The following ULK4 variants were observed in gnomAD, a reference collection of about 807,000 sequenced individuals.
ULK4 encodes inactive serine/threonine-protein kinase ULK4.
A neutral mutation model predicts 160.6 loss-of-function variants in ULK4; 133 were observed. The observed-to-expected ratio is 0.83, with a 90% confidence interval of 0.72 to 0.96. ULK4 has a LOEUF of 0.96. Ranked by LOEUF, ULK4 falls within the 40% of genes least tolerant of loss-of-function variation. The pLI, the probability that ULK4 is intolerant of heterozygous loss-of-function variation, is 0.00. For missense variants in ULK4, 1,580 were observed against 1,499.5 expected, an observed-to-expected ratio of 1.05 and a Z score of -0.89; for synonymous variants, 534 against 539.8, an observed-to-expected ratio of 0.99 and a Z score of 0.15.
intron 19 of ULK4, among the ~76,000 whole-genome samples, chr3:41,809,553 A>G (rs1361786363): frequency 6.6e-6 from 1 of 152,188 alleles, no homozygotes; most frequent in Non-Finnish European, 1.5e-5. Flanking sequence ...TTGATTTTAA[A>G]AGTAAATATA....
chr3:41,851,509 G>A (rs1489471064), intron 17 of ULK4, among the ~76,000 whole-genome samples: 2 of 151,852 alleles, frequency 1.3e-5, no homozygotes, highest in Non-Finnish European at 2.9e-5. Context: ...TTGCATCGAT[G>A]TTCATCAGGG....
At chr3:41,770,769 T>C (rs1020213689) in intron 21 of ULK4, among the ~76,000 whole-genome samples, 9 of 152,116 alleles carry the variant, frequency 5.9e-5, no homozygotes, top group Admixed American at 4.6e-4. Flanking sequence ...CACCTCAGCC[T>C]CCCAAAGTGC....
intron 19 of ULK4, among the ~76,000 whole-genome samples, chr3:41,813,955 T>C (rs965407152): frequency 6.6e-6 from 1 of 152,230 alleles, no homozygotes; most frequent in African/African-American, 2.4e-5. Context: ...CAGTGTGTCT[T>C]GGAGTGAACT....
chr3:41,869,187 A>G (rs770683862), intron 17 of ULK4: 2 of 152,108 alleles, frequency 1.3e-5, no homozygotes, highest in Non-Finnish European at 2.9e-5. Context: ...TCCAATTATA[A>G]TAGCATGCAT....
intron 11 of ULK4, among the ~76,000 whole-genome samples, chr3:41,909,694 G>A (rs12330363): frequency 0.69 from 104,544 of 151,790 alleles, 39,383 homozygotes; most frequent in East Asian, 0.83. Context: ...CAGCCTGGGC[G>A]ACAGAGCAAG....
chr3:41,748,896 T>A (rs954963466), intron 22 of ULK4, among the ~76,000 whole-genome samples: 8 of 152,164 alleles, frequency 5.3e-5, no homozygotes, highest in African/African-American at 1.9e-4. Flanking sequence ...CTTGTGCCTT[T>A]CCACAACTGC....
At chr3:41,451,880 T>C (rs1392763244) in intron 34 of ULK4, among the ~76,000 whole-genome samples, 2 of 152,134 alleles carry the variant, frequency 1.3e-5, no homozygotes, top group East Asian at 3.9e-4. Flanking sequence ...TCAGCCTAAA[T>C]TTAGAGCCCA....
At chr3:41,333,131 T>C (rs1475544778) in intron 35 of ULK4, among the ~76,000 whole-genome samples, 2 of 152,216 alleles carry the variant, frequency 1.3e-5, no homozygotes, top group Non-Finnish European at 2.9e-5. Flanking sequence ...CAGAATAAAT[T>C]GAAGATATCA....
chr3:41,340,323 A>G (rs2080655394), intron 35 of ULK4, among the ~76,000 whole-genome samples: 1 of 152,242 alleles, frequency 6.6e-6, no homozygotes, highest in African/African-American at 2.4e-5. Flanking sequence ...AAGCTAATGC[A>G]AATACAGGCC....
At chr3:41,800,577 C>T (rs2040427321) in intron 19 of ULK4, among the ~76,000 whole-genome samples, 1 of 152,102 alleles carries the variant, frequency 6.6e-6, no homozygotes, top group South Asian at 2.1e-4. Context: ...TGTGATCACA[C>T]CACTACACAC....
chr3:41,430,208 TAAC>T (rs1395565070), intron 34 of ULK4, among the ~76,000 whole-genome samples: 1 of 152,162 alleles, frequency 6.6e-6, no homozygotes, highest in African/African-American at 2.4e-5. Context: ...AGTAGAAACT[TAAC>T]AAACTAGGCA....
chr3:41,696,170 C>T (rs1559491457), intron 27 of ULK4, among the ~76,000 whole-genome samples: 1 of 151,288 alleles, frequency 6.6e-6, no homozygotes, highest in Admixed American at 6.6e-5. Flanking sequence ...GAAGGCCTGA[C>T]ATGAGTCAGG....
intron 31 of ULK4, among the ~76,000 whole-genome samples, chr3:41,572,049 C>A (rs1008215668): frequency 1.3e-5 from 2 of 152,194 alleles, no homozygotes; most frequent in African/African-American, 2.4e-5. Context: ...TCTCATTCAA[C>A]CCTTACAAAA....
intron 17 of ULK4, among the ~76,000 whole-genome samples, chr3:41,871,005 T>C (rs1033976709): frequency 6.6e-6 from 1 of 152,142 alleles, no homozygotes; most frequent in African/African-American, 2.4e-5. Context: ...GCTTCTCCCT[T>C]CACTCAGCAC....
At chr3:41,756,988 G>C (rs1457173204) in intron 21 of ULK4, among the ~76,000 whole-genome samples, 2 of 152,012 alleles carry the variant, frequency 1.3e-5, no homozygotes, top group African/African-American at 2.4e-5. Flanking sequence ...AAATAAGCGT[G>C]AGAAATGTAA....
intron 32 of ULK4, among the ~76,000 whole-genome samples, chr3:41,547,434 T>C (rs2086901233): frequency 6.6e-6 from 1 of 152,094 alleles, no homozygotes; most frequent in African/African-American, 2.4e-5. Context: ...CAGGATCAAC[T>C]TGGAGCCCAG....
chr3:41,310,806 G>A (rs1017123747), intron 35 of ULK4, among the ~76,000 whole-genome samples: 15 of 152,108 alleles, frequency 9.9e-5, no homozygotes, highest in Admixed American at 6.5e-5. Flanking sequence ...CAACATGGGC[G>A]ACGTGGCAAA....
chr3:41,445,664 T>C (rs1232546230), intron 34 of ULK4, among the ~76,000 whole-genome samples: 3 of 152,204 alleles, frequency 2.0e-5, no homozygotes, highest in Non-Finnish European at 4.4e-5. Flanking sequence ...GGAAACTGGC[T>C]AGCCATATGG....
At chr3:41,720,381 T>C (rs1322981419) in intron 22 of ULK4, among the ~76,000 whole-genome samples, 1 of 152,106 alleles carries the variant, frequency 6.6e-6, no homozygotes, top group East Asian at 1.9e-4. Flanking sequence ...CTATTTAGTG[T>C]GTGCTTGCTT....
Sources: allele counts gnomAD v4.1 joint callset (sites outside exome capture counted in the v4.1 genomes callset), GRCh38; gene constraint gnomAD v4.1.1; transcripts MANE v1.5; gene names NCBI Gene and HGNC (gene_info 2026-07-23, HGNC 2026-07-21).